LRRC9: variants seen among roughly 807,000 people sequenced by gnomAD.
The protein encoded by LRRC9 is leucine rich repeat containing 9.
In LRRC9, 122 loss-of-function variants were observed where a neutral mutation model predicts 63.2. The ratio of observed to expected loss-of-function variants is 1.93; its 90% CI spans 1.67 to 2.24. The LOEUF is 2.24. Ranked by LOEUF, LRRC9 falls within the 30% of genes most tolerant of loss-of-function variation. LRRC9 has a pLI of 0.00. For synonymous variants in LRRC9, 366 were observed against 213.1 expected, an observed-to-expected ratio of 1.72 and a Z score of -6.25; for missense variants, 1,071 against 627.7, an observed-to-expected ratio of 1.71 and a Z score of -7.55.
rs1884186685 is a variant in LRRC9, at chr14:59,960,019, G to A, written c.1079+5G>A. On this transcript the variant is annotated splice_donor_5th_base_variant and intron_variant, in intron 9 of 31. Transcript: ENST00000445360. ...CTGGAACAAAAAACTAGATGAGTAT[G>A]TTTAATTAATTATCTAGTTGTTCTG... 3 of 644,256 alleles carry A rather than the reference G, an allele frequency of 4.7e-6. No individual in the cohort carries two copies. In the Admixed American group the frequency reaches 7.6e-5, roughly 16 times the overall value. 39.9% of individuals were successfully genotyped at this position (644,256 alleles called of 1,614,324 possible).
chr14:59,952,394 C>G (rs1242667209), intron 8 of LRRC9, among the ~76,000 whole-genome samples: 1 of 152,182 alleles, frequency 6.6e-6, no homozygotes, highest in East Asian at 1.9e-4. Flanking sequence ...CCTGCGCCCA[C>G]TGTCTGGCAC....
chr14:59,960,980 T>A lies in LRRC9; in HGVS notation c.1146T>A (p.Leu382=), dbSNP rs1174759898. The A allele has an allele frequency of 5.7e-6, 4 of 697,540 alleles. No homozygotes were observed. The Admixed American group carries it at 8.1e-5, about 14-fold the overall frequency. The allele number at this position is 697,540 out of a possible 1,614,324, so 43.2% of individuals were successfully genotyped here. ...AAAGTCATGGCTTATTGATCCCACT[T>A]TTGTTAATTGAGTTAGAGACTGTGG... The change falls in exon 10 of 32, where the codon CTT becomes CTA. Residue 382 remains leucine (L), a synonymous_variant. Transcript: ENST00000445360.
At chr14:60,005,881 G>C (rs1488261958) in intron 21 of LRRC9, among the ~76,000 whole-genome samples, 1 of 152,068 alleles carries the variant, frequency 6.6e-6, no homozygotes, top group African/African-American at 2.4e-5. Flanking sequence ...ATGTATGCAG[G>C]AGTTAGACTG....
At chr14:59,928,829 A>G (rs1165357098) in intron 3 of LRRC9, among the ~76,000 whole-genome samples, 2 of 152,092 alleles carry the variant, frequency 1.3e-5, no homozygotes, top group Admixed American at 6.6e-5. Flanking sequence ...TGGGGAAAGG[A>G]CCATCTATTC....
intron 29 of LRRC9, among the ~76,000 whole-genome samples, chr14:60,043,106 G>A (rs552485776): frequency 1.2e-4 from 19 of 152,066 alleles, no homozygotes; most frequent in Non-Finnish European, 2.6e-4. Flanking sequence ...GTTTGCTGTT[G>A]ACATATATAA....
At chr14:59,931,737 T>C (rs1594809706) in intron 5 of LRRC9, 55 bp downstream of exon 5, 4 of 646,578 alleles carry the variant, frequency 6.2e-6, no homozygotes, top group East Asian at 5.5e-5. Context: ...TTTTTATCAA[T>C]ATAAAAAGTA....
intron 30 of LRRC9, among the ~76,000 whole-genome samples, chr14:60,054,671 G>A (rs572873878): frequency 6.6e-6 from 1 of 152,114 alleles, no homozygotes; most frequent in South Asian, 2.1e-4. Flanking sequence ...TGCCTACAGA[G>A]CAGCTTTGGT....
chr14:60,039,024 T>C (rs1326304518), intron 29 of LRRC9, among the ~76,000 whole-genome samples: 2 of 152,232 alleles, frequency 1.3e-5, no homozygotes, highest in Non-Finnish European at 1.5e-5. Context: ...GAGATAATCA[T>C]GTAGTTTTTG....
At chr14:60,038,207 C>G (rs1003529652) in intron 29 of LRRC9, among the ~76,000 whole-genome samples, 1 of 152,140 alleles carries the variant, frequency 6.6e-6, no homozygotes, top group African/African-American at 2.4e-5. Flanking sequence ...CGTGATGCCT[C>G]CAGCTTTGTT....
chr14:59,996,577 A>G (rs1164475778), intron 17 of LRRC9, among the ~76,000 whole-genome samples: 1 of 152,216 alleles, frequency 6.6e-6, no homozygotes, highest in Non-Finnish European at 1.5e-5. Context: ...AAAGACAAGA[A>G]AGGCAATAAA....
rs8012992 is a variant in LRRC9 at position 59,990,154 on chromosome 14, C to A, written c.2211+4930C>A. On this transcript the variant is annotated intron_variant, in intron 17 of 31. Transcript: ENST00000445360. This position sits in a 1 kb window ranked among gnomAD's most constrained non-coding sequence, Gnocchi z 4.2. The stretch of plus-strand genomic sequence containing the variant: ...GTTGGTCAGGCTGGTCTTGAACTCC[C>A]GACTTCAGGTGATCTGCCCGCCTCG... Among the ~76,000 whole-genome samples the A allele has an allele frequency of 2.0e-5, 3 of 151,888 alleles. No homozygotes were observed. The highest frequency in any genetic ancestry group is 4.4e-5 in the Non-Finnish European group (3 of 67,972).
chr14:59,988,245 C>T (rs1331793821), intron 17 of LRRC9, among the ~76,000 whole-genome samples: 1 of 152,116 alleles, frequency 6.6e-6, no homozygotes, highest in Admixed American at 6.5e-5. Context: ...AGTGGTCCTT[C>T]AGAAACACAA....
At chr14:60,040,261 A>G (rs1892831306) in intron 29 of LRRC9, among the ~76,000 whole-genome samples, 1 of 152,000 alleles carries the variant, frequency 6.6e-6, no homozygotes, top group Non-Finnish European at 1.5e-5. Flanking sequence ...AGAGTTCTGT[A>G]GATGTCTATT....
rs1052642595 is a variant in LRRC9 at position 59,966,863 on chromosome 14, T to C, written c.1388+98T>C. The C allele has an allele frequency of 6.1e-5, 34 of 558,768 alleles. 2 individuals are homozygous for C. The highest frequency in any genetic ancestry group is 3.9e-4 in the Admixed American group (13 of 32,966). 34.6% of individuals were successfully genotyped at this position (558,768 alleles called of 1,614,324 possible). A position where few individuals can be genotyped will look rare whatever the true frequency, so the allele number is the denominator to read the frequency against. On this transcript the variant is annotated intron_variant, in intron 11 of 31. Coordinates refer to ENST00000445360, the Ensembl canonical transcript of LRRC9. The surrounding 1 kb of genome is among the most constrained non-coding windows in gnomAD (Gnocchi z 4.0). ...GTTTACAGCATTAAAAATATACATA[T>C]ACCTTGTTAGTAAATGTTTCCTTTT... is the stretch of plus-strand genomic sequence containing the variant.
chr14:60,012,151 T>C (rs570938348), intron 23 of LRRC9, among the ~76,000 whole-genome samples: 1 of 152,320 alleles, frequency 6.6e-6, no homozygotes, highest in East Asian at 1.9e-4. Flanking sequence ...TATATAATGC[T>C]AGAGTGTCTG....
chr14:59,944,652 AAAG>A (rs1485049840), exon 8 of LRRC9: 2 of 672,614 alleles, frequency 3.0e-6, no homozygotes, highest in Non-Finnish European at 5.4e-6. Context: ...GAGGCATCTT[AAAG>A]AAGACCTTGA....
chr14:59,961,052 C>G lies in LRRC9; in HGVS notation c.1211+7C>G, dbSNP rs553885938. 2 of 643,144 alleles carry G rather than the reference C, an allele frequency of 3.1e-6. No individual in the cohort carries two copies. The highest frequency in any genetic ancestry group is 5.7e-5 in the East Asian group (2 of 35,352). 39.8% of individuals were successfully genotyped at this position (643,144 alleles called of 1,614,324 possible). A position where few individuals can be genotyped will look rare whatever the true frequency, so the allele number is the denominator to read the frequency against. ...GCACTCGATCTGATGACTGGTAAAT[C>G]TGTTAGAAATTTAGTATAGCTTTAA... On this transcript the variant is annotated splice_region_variant and intron_variant, in intron 10 of 31. Coordinates refer to ENST00000445360, the Ensembl canonical transcript of LRRC9.
At chr14:60,019,845 A>G (rs1466000958) in intron 26 of LRRC9, among the ~76,000 whole-genome samples, 1 of 107,736 alleles carries the variant, frequency 9.3e-6, no homozygotes, top group Non-Finnish European at 2.2e-5. Context: ...ACATATATAT[A>G]CATCATATAT....
At chr14:60,009,186 G>A (rs1381663144) in intron 23 of LRRC9, among the ~76,000 whole-genome samples, 1 of 152,172 alleles carries the variant, frequency 6.6e-6, no homozygotes, top group Non-Finnish European at 1.5e-5. Context: ...TTACCGCTAA[G>A]GAAAAGTTAT....
Sources: gnomAD v4.1 joint callset for allele counts (sites outside exome capture counted in the v4.1 genomes callset) on GRCh38, gnomAD v4.1.1 for gene constraint, Gnocchi (gnomAD v3.1) non-coding constraint, MANE v1.5 for transcripts, NCBI Gene and HGNC (gene_info 2026-07-23, HGNC 2026-07-21) for gene names.